Variants in GRIK4 observed in about 807,000 individuals in gnomAD.
The protein encoded by GRIK4 is glutamate ionotropic receptor kainate type subunit 4.
Under a neutral mutation model 104.9 loss-of-function variants are expected in GRIK4, and 40 were observed. The ratio of observed to expected loss-of-function variants is 0.38; its 90% CI spans 0.30 to 0.50. The LOEUF (loss-of-function observed/expected upper bound fraction) is 0.50, where lower values mean the gene tolerates loss of function less well. GRIK4 is among the 20% of genes least tolerant of loss of function. The pLI, the probability that GRIK4 is intolerant of heterozygous loss-of-function variation, is 0.93. For missense variants in GRIK4, 1,047 were observed against 1,308.1 expected (o/e 0.80, Z 3.08); for synonymous variants, 485 against 524.9 (o/e 0.92, Z 1.04).
chr11:120,873,717 G>A (rs768915408), intron 9 of GRIK4: 6 of 193,268 alleles, frequency 3.1e-5, no homozygotes, highest in African/African-American at 9.3e-5. Flanking sequence ...ATAAGCAGCC[G>A]TGCCCTCTTC....
At chr11:120,716,356 C>G (rs986658534) in intron 3 of GRIK4, among the ~76,000 whole-genome samples, 49 of 152,170 alleles carry the variant, frequency 3.2e-4, no homozygotes, top group African/African-American at 1.1e-3. Flanking sequence ...CAATCCTCCC[C>G]CCTCAGCCTC....
chr11:120,753,980 C>A (rs1419595214), intron 3 of GRIK4, among the ~76,000 whole-genome samples: 2 of 152,162 alleles, frequency 1.3e-5, no homozygotes, highest in African/African-American at 4.8e-5. Flanking sequence ...TTCATCCCAG[C>A]CCCTGCCAAC....
chr11:120,657,353 CA>C (rs1395401026), intron 2 of GRIK4, among the ~76,000 whole-genome samples: 6 of 152,212 alleles, frequency 3.9e-5, no homozygotes, highest in African/African-American at 1.4e-4. Flanking sequence ...TCTATCCCTG[CA>C]CCAACACCCA....
Position 120,986,425 on chromosome 11 carries a change from G to C in GRIK4, c.*165G>C. ...ATCAAGGAGCCTGACGCCCCAGCCA[G>C]AGACCGCGCCCGGTCAGGGAGCAGG... On this transcript the variant is annotated 3_prime_UTR_variant, in exon 21 of 21. Transcript: ENST00000527524. 3 of 984,672 alleles carry C rather than the reference G, an allele frequency of 3.0e-6. No homozygotes were observed. Among genetic ancestry groups the C allele is most frequent in the Non-Finnish European group, 4.2e-6 (3 of 715,686 alleles). The allele number at this position is 984,672 out of a possible 1,614,324, so 61.0% of individuals were successfully genotyped here.
intron 3 of GRIK4, among the ~76,000 whole-genome samples, chr11:120,797,615 C>T (rs1177237684): frequency 1.3e-5 from 2 of 152,164 alleles, no homozygotes; most frequent in African/African-American, 2.4e-5. Flanking sequence ...TGTTTTATGC[C>T]AGCCAACCAC....
At chr11:120,719,869 C>T (rs1252633003) in intron 3 of GRIK4, among the ~76,000 whole-genome samples, 1 of 152,110 alleles carries the variant, frequency 6.6e-6, no homozygotes, top group Non-Finnish European at 1.5e-5. Flanking sequence ...ATTTTTCTCT[C>T]CACATTAGCT....
intron 1 of GRIK4, among the ~76,000 whole-genome samples, chr11:120,619,660 C>G (rs879803156): frequency 6.6e-6 from 1 of 152,102 alleles, no homozygotes; most frequent in Non-Finnish European, 1.5e-5. Context: ...AGTGAGTTCC[C>G]ATGAGATCTG....
At chr11:120,907,512 CT>C (rs1942895297) in intron 13 of GRIK4, among the ~76,000 whole-genome samples, 1 of 152,154 alleles carries the variant, frequency 6.6e-6, no homozygotes, top group South Asian at 2.1e-4. Flanking sequence ...TTGACATGAA[CT>C]AATTAATTAA....
At chr11:120,792,085 G>A (rs1952405884) in intron 3 of GRIK4, among the ~76,000 whole-genome samples, 1 of 152,164 alleles carries the variant, frequency 6.6e-6, no homozygotes. Flanking sequence ...ATGGGTTTCT[G>A]TGAAAACACA....
chr11:120,815,709 C>A (rs950562389), intron 5 of GRIK4, among the ~76,000 whole-genome samples: 7 of 152,062 alleles, frequency 4.6e-5, no homozygotes, highest in Non-Finnish European at 7.4e-5. Context: ...GGAGCTCCTC[C>A]CTGTCTTAGG....
chr11:120,834,773 A>T (rs111759707), intron 7 of GRIK4, among the ~76,000 whole-genome samples: 2 of 152,214 alleles, frequency 1.3e-5, no homozygotes, highest in Admixed American at 1.3e-4. Flanking sequence ...AACGAACTCC[A>T]TGTTTACCCA....
At chr11:120,729,824 A>C (rs1951098353) in intron 3 of GRIK4, among the ~76,000 whole-genome samples, 1 of 152,168 alleles carries the variant, frequency 6.6e-6, no homozygotes, top group South Asian at 2.1e-4. Flanking sequence ...GGTATTACTC[A>C]AGAAATCTTT....
At chr11:120,917,247 CAAAAAAAAAAAAAAAAAAA>C (rs199620498) in intron 13 of GRIK4, among the ~76,000 whole-genome samples, 1 of 34,796 alleles carries the variant, frequency 2.9e-5, no homozygotes, top group Non-Finnish European at 5.2e-5. Context: ...AACTCCGTCT[CAAAAAAAAAAAAAAAAAAA>C]AAAAAAGAAA....
At chr11:120,671,388 C>T (rs890905221) in intron 3 of GRIK4, among the ~76,000 whole-genome samples, 4 of 152,186 alleles carry the variant, frequency 2.6e-5, no homozygotes, top group East Asian at 3.8e-4. Flanking sequence ...TTTTAATGAT[C>T]GCCATTCTAA....
rs774236539 is a variant in GRIK4, at chr11:120,832,045, C to T, written c.690+15C>T. ...TCCTCCTGAAGGTGGGAGCCTCCCT[C>T]TCTCCCCCACCCCCTGCTGAGCTCC... On this transcript the variant is annotated intron_variant, in intron 7 of 20. Transcript: ENST00000527524. 2 of 1,582,690 alleles carry T rather than the reference C, an allele frequency of 1.3e-6. No homozygotes were observed. The highest frequency in any genetic ancestry group is 2.1e-4 in the Middle Eastern group (1 of 4,736).
chr11:120,673,525 A>G (rs1438734175), intron 3 of GRIK4, among the ~76,000 whole-genome samples: 1 of 152,220 alleles, frequency 6.6e-6, no homozygotes, highest in Non-Finnish European at 1.5e-5. Context: ...TTAATGACTC[A>G]GCATCAACCT....
At chr11:120,904,687 CT>C (rs796170624) in intron 12 of GRIK4, among the ~76,000 whole-genome samples, 179 of 152,344 alleles carry the variant, frequency 1.2e-3, no homozygotes, top group African/African-American at 4.2e-3. Flanking sequence ...CCATCGTCCA[CT>C]GAGCAGCCAC....
chr11:120,721,617 C>A (rs1950934898), intron 3 of GRIK4, among the ~76,000 whole-genome samples: 1 of 152,126 alleles, frequency 6.6e-6, no homozygotes, highest in Non-Finnish European at 1.5e-5. Context: ...ATAATTCCAG[C>A]AGCTCTGGGG....
At chr11:120,936,067 C>CTCT in intron 13 of GRIK4, 2 of 216,448 alleles carry the variant, frequency 9.2e-6, no homozygotes, top group South Asian at 1.2e-4. Flanking sequence ...CTTCATCTTC[C>CTCT]TCCTCCTCCT....
Sources: gnomAD v4.1 joint callset for allele counts (sites outside exome capture counted in the v4.1 genomes callset) on GRCh38, gnomAD v4.1.1 for gene constraint, MANE v1.5 for transcripts, NCBI Gene and HGNC (gene_info 2026-07-23, HGNC 2026-07-21) for gene names.